FRMD5: variants seen among roughly 807,000 people sequenced by gnomAD.
The protein encoded by FRMD5 is FERM domain-containing protein 5.
Under a neutral mutation model 69.0 loss-of-function variants are expected in FRMD5, and 20 were observed. The ratio of observed to expected loss-of-function variants is 0.29; its 90% CI spans 0.20 to 0.42. FRMD5 has a LOEUF of 0.42. FRMD5 is among the 10% of genes least tolerant of loss of function. The pLI is 1.00. For missense variants in FRMD5, 595 were observed against 708.6 expected (o/e 0.84, Z 1.82); for synonymous variants, 271 against 260.1 (o/e 1.04, Z -0.40).
At position 43,873,709 on chromosome 15, in the gene FRMD5, A is replaced by G. The variant is rs1386594557; in HGVS notation, c.*176T>C. On this transcript the variant is annotated 3_prime_UTR_variant, in exon 14 of 14. Coordinates refer to ENST00000417257, the MANE Select transcript of FRMD5 (RefSeq NM_032892.5). ...TTTTCCCAGTTTGTTTAGACAGGGC[A>G]TGAGCCTATCCCTTTCTTCTTCTGG... 5.3e-6 allele frequency: 8 copies of G among 1,511,566 alleles called. No homozygotes were observed. Among genetic ancestry groups the G allele is most frequent in the Non-Finnish European group, 7.0e-6 (8 of 1,138,504 alleles). The allele number at this position is 1,511,566 out of a possible 1,614,324, so 93.6% of individuals were successfully genotyped here. A position where few individuals can be genotyped will look rare whatever the true frequency, so the allele number is the denominator to read the frequency against.
chr15:44,160,357 A>AAAGT (rs1237166748), intron 1 of FRMD5, among the ~76,000 whole-genome samples: 7 of 152,320 alleles, frequency 4.6e-5, no homozygotes, highest in African/African-American at 1.7e-4. Context: ...TCCATCTCAA[A>AAAGT]AAATAAATAA....
intron 1 of FRMD5, among the ~76,000 whole-genome samples, chr15:44,117,454 G>A (rs1442565957): frequency 6.6e-6 from 1 of 152,128 alleles, no homozygotes; most frequent in Non-Finnish European, 1.5e-5. Flanking sequence ...AGATGAAAGG[G>A]AAAAAAATCA....
intron 1 of FRMD5, among the ~76,000 whole-genome samples, chr15:44,182,827 G>A (rs1175602399): frequency 2.0e-5 from 3 of 151,998 alleles, no homozygotes; most frequent in Non-Finnish European, 4.4e-5. Context: ...ACGGAGTCTC[G>A]CTCTGTCGCC....
intron 1 of FRMD5, among the ~76,000 whole-genome samples, chr15:43,976,062 TA>T (rs201696655): frequency 0.021 from 2,554 of 122,060 alleles, 40 homozygotes; most frequent in African/African-American, 0.053. Context: ...ATCTATGTGC[TA>T]AAAAAAAAAA....
intron 1 of FRMD5, among the ~76,000 whole-genome samples, chr15:43,925,927 T>C (rs1284998231): frequency 6.6e-6 from 1 of 152,234 alleles, no homozygotes; most frequent in African/African-American, 2.4e-5. Flanking sequence ...ATGTCCTTCA[T>C]AGCACTTATA....
intron 1 of FRMD5, among the ~76,000 whole-genome samples, chr15:43,969,554 A>G (rs1043450586): frequency 6.6e-6 from 1 of 152,202 alleles, no homozygotes; most frequent in Non-Finnish European, 1.5e-5. Flanking sequence ...CATGGGTGGA[A>G]CTTCTTCATA....
intron 1 of FRMD5, among the ~76,000 whole-genome samples, chr15:44,137,927 T>C (rs2077210629): frequency 6.6e-6 from 1 of 152,102 alleles, no homozygotes; most frequent in African/African-American, 2.4e-5. Flanking sequence ...AGTTATGTCA[T>C]ACTGTACAAT....
chr15:44,167,144 A>G (rs566870925), intron 1 of FRMD5, among the ~76,000 whole-genome samples: 1 of 152,290 alleles, frequency 6.6e-6, no homozygotes, highest in South Asian at 2.1e-4. Context: ...TTGGCTGCCC[A>G]GAGCGCTGGA....
At chr15:44,150,625 CTTTTTTT>C (rs201159673) in intron 1 of FRMD5, among the ~76,000 whole-genome samples, 1 of 133,440 alleles carries the variant, frequency 7.5e-6, no homozygotes, top group African/African-American at 2.8e-5. Flanking sequence ...CTACAAAATT[CTTTTTTT>C]TTTTTTTTTC....
chr15:44,094,615 C>T (rs2076524279), intron 1 of FRMD5, among the ~76,000 whole-genome samples: 1 of 152,128 alleles, frequency 6.6e-6, no homozygotes, highest in African/African-American at 2.4e-5. Flanking sequence ...TTTTATTTAA[C>T]ATTTTCTTTT....
intron 5 of FRMD5, among the ~76,000 whole-genome samples, chr15:43,907,229 G>A (rs751755641): frequency 3.7e-4 from 56 of 152,130 alleles, no homozygotes; most frequent in Non-Finnish European, 7.1e-4. Flanking sequence ...AGAGGAAAAG[G>A]TGCCCTCCTC....
At chr15:43,956,778 C>T (rs540340435) in intron 1 of FRMD5, among the ~76,000 whole-genome samples, 96 of 152,274 alleles carry the variant, frequency 6.3e-4, no homozygotes, top group Non-Finnish European at 1.3e-4. Flanking sequence ...ATGATGAGTT[C>T]ATGAATTTCA....
chr15:44,128,051 AT>A (rs1291992172), intron 1 of FRMD5, among the ~76,000 whole-genome samples: 3 of 152,142 alleles, frequency 2.0e-5, no homozygotes, highest in Non-Finnish European at 2.9e-5. Flanking sequence ...GGAAGGTAAA[AT>A]TTCGCCCCCA....
At chr15:44,182,646 C>T (rs986303653) in intron 1 of FRMD5, among the ~76,000 whole-genome samples, 10 of 152,050 alleles carry the variant, frequency 6.6e-5, no homozygotes, top group African/African-American at 2.4e-4. Context: ...ATTTAATAAT[C>T]ATTTTTTCAG....
In FRMD5 at chr15:43,874,201, G is replaced by A. The variant is rs537307351; in HGVS notation, c.1397C>T (p.Thr466Ile). 2 of 1,614,202 alleles carry A rather than the reference G, an allele frequency of 1.2e-6. No individual in the cohort carries two copies. The highest frequency in any genetic ancestry group is 8.5e-7 in the Non-Finnish European group (1 of 1,180,044). The change falls in exon 14 of 14, where the codon ACC becomes ATC. Residue 466 changes from threonine (T) to isoleucine (I), a missense_variant. Around this residue, in one of 5 missense-constraint regions of FRMD5, gnomAD observed 245 missense variants for 227.1 expected, o/e 1.08. Coordinates refer to ENST00000417257, the MANE Select transcript of FRMD5 (RefSeq NM_032892.5). ...IEEEKESEASTPTATEVEALG... is the reference protein window; with the variant it reads ...IEEEKESEASIPTATEVEALG... Reference sequence around the variant, plus strand: ...GGCCTCCACCTCTGTAGCAGTTGGGGTGCTGGCTTCAGATTCCTTCTCCTC... The same window carrying A: ...GGCCTCCACCTCTGTAGCAGTTGGGATGCTGGCTTCAGATTCCTTCTCCTC...
chr15:43,991,457 T>G (rs1164332846), intron 1 of FRMD5, among the ~76,000 whole-genome samples: 1 of 152,194 alleles, frequency 6.6e-6, no homozygotes, highest in Non-Finnish European at 1.5e-5. Context: ...CTGCTGCTAC[T>G]GCTGCTGCTG....
chr15:44,013,601 T>C (rs1890822917), intron 1 of FRMD5, among the ~76,000 whole-genome samples: 1 of 152,184 alleles, frequency 6.6e-6, no homozygotes. Flanking sequence ...ACTATTAATA[T>C]AAAAATGTTT....
At chr15:44,075,521 C>G (rs1893721108) in intron 1 of FRMD5, among the ~76,000 whole-genome samples, 1 of 152,062 alleles carries the variant, frequency 6.6e-6, no homozygotes, top group Non-Finnish European at 1.5e-5. Flanking sequence ...ATACAAAACA[C>G]TCCATTGTAA....
chr15:43,888,657 C>T (rs571891188), intron 9 of FRMD5, 152 bp downstream of exon 9: 17 of 664,404 alleles, frequency 2.6e-5, no homozygotes, highest in South Asian at 2.5e-4. Context: ...GGCCTTCCCG[C>T]TCCTTCATAT....
Sources: gnomAD v4.1 joint callset for allele counts (sites outside exome capture counted in the v4.1 genomes callset) on GRCh38, gnomAD v4.1.1 for gene constraint, gnomAD v4.1.1 regional missense constraint, MANE v1.5 for transcripts, NCBI Gene and HGNC (gene_info 2026-07-23, HGNC 2026-07-21) for gene names.